Variants in CFDP1 observed in about 807,000 individuals in gnomAD.
The protein encoded by CFDP1 is heterochromatin-stabilizing protein CFDP1.
In CFDP1, 31 loss-of-function variants were observed where a neutral mutation model predicts 40.1. The ratio of observed to expected loss-of-function variants is 0.77; its 90% CI spans 0.58 to 1.04. The LOEUF (loss-of-function observed/expected upper bound fraction) is 1.04, where lower values mean the gene tolerates loss of function less well. Among genes scored for constraint, CFDP1 ranks in the 50% least tolerant of loss-of-function variants. The pLI, the probability that CFDP1 is intolerant of heterozygous loss-of-function variation, is 0.00. For synonymous variants in CFDP1, 167 were observed against 120.0 expected (o/e 1.39, Z -2.56); for missense variants, 423 against 343.4 (o/e 1.23, Z -1.83).
intron 5 of CFDP1, among the ~76,000 whole-genome samples, chr16:75,373,750 C>T (rs760169904): frequency 1.3e-5 from 2 of 152,116 alleles, no homozygotes; most frequent in African/African-American, 2.4e-5. Context: ...GCTCTAGATA[C>T]GAAGCCATTT....
At chr16:75,392,051 C>A (rs558669856) in intron 5 of CFDP1, among the ~76,000 whole-genome samples, 74 of 152,180 alleles carry the variant, frequency 4.9e-4, no homozygotes, top group Middle Eastern at 6.8e-3. Context: ...AAATGTAAAG[C>A]CAAAAACATG....
chr16:75,377,129 G>GA (rs937789194), intron 5 of CFDP1, among the ~76,000 whole-genome samples: 2 of 151,442 alleles, frequency 1.3e-5, no homozygotes, highest in African/African-American at 4.9e-5. Context: ...CCAACTGGGG[G>GA]CTTGGCTGTG....
At chr16:75,432,054 G>A (rs1459430208) in intron 1 of CFDP1, among the ~76,000 whole-genome samples, 1 of 151,392 alleles carries the variant, frequency 6.6e-6, no homozygotes, top group South Asian at 2.1e-4. Context: ...TGGGACTACA[G>A]GCGCGTGCCA....
intron 5 of CFDP1, among the ~76,000 whole-genome samples, chr16:75,345,663 T>A (rs892012890): frequency 2.6e-5 from 4 of 152,120 alleles, no homozygotes; most frequent in African/African-American, 9.6e-5. Flanking sequence ...GAAAAGAACA[T>A]CCCAAAGTCT....
intron 5 of CFDP1, chr16:75,322,078 C>A (rs1443514223): frequency 6.6e-6 from 1 of 152,252 alleles, no homozygotes; most frequent in Non-Finnish European, 1.5e-5. Context: ...CCCGCCTCGG[C>A]CTCCCAAAGT....
At chr16:75,372,111 T>C (rs2078756673) in intron 5 of CFDP1, 1 of 152,194 alleles carries the variant, frequency 6.6e-6, no homozygotes, top group Admixed American at 6.5e-5. Flanking sequence ...CAAAAGCATA[T>C]ATAATACTCT....
chr16:75,327,475 G>A (rs1187437312), intron 5 of CFDP1, among the ~76,000 whole-genome samples: 1 of 151,898 alleles, frequency 6.6e-6, no homozygotes, highest in Non-Finnish European at 1.5e-5. Context: ...GAAGGTGAAG[G>A]ATGGGACTGA....
chr16:75,402,490 G>A (rs2151572995), intron 4 of CFDP1, among the ~76,000 whole-genome samples: 1 of 151,952 alleles, frequency 6.6e-6, no homozygotes, highest in East Asian at 1.9e-4. Context: ...TTTCAAGTAG[G>A]GACAAAAACA....
chr16:75,305,171 G>A lies in CFDP1; in HGVS notation c.662C>T (p.Ser221Leu), dbSNP rs2078249065. Residue 221 changes from serine (S) to leucine (L), a missense_variant, in exon 6 of 7, where the codon TCA becomes TTA. Coordinates refer to ENST00000283882, the MANE Select transcript of CFDP1 (RefSeq NM_006324.3). ...CCCCAAAAGGCTGCTCATGCCACTT[G>A]ATCTTTTTAACCTAAGGAAAGAAAA... is the stretch of plus-strand genomic sequence containing the variant. The part of the protein sequence containing the change: ...SLPAGSGLKR[S>L]SGMSSLLGKI... 9 of 1,613,928 alleles carry A rather than the reference G, an allele frequency of 5.6e-6. No homozygotes were observed. The highest frequency in any genetic ancestry group is 4.0e-5 in the African/African-American group (3 of 75,014).
In CFDP1 at chr16:75,387,012, T is replaced by C. The variant is rs145609568; in HGVS notation, c.650+8078A>G. On this transcript the variant is annotated intron_variant, in intron 5 of 6. Coordinates refer to ENST00000283882, the MANE Select transcript of CFDP1 (RefSeq NM_006324.3). Reference sequence around the variant, plus strand: ...TTCAATTTCTAATCTATTTACTCTGTACCTGCAATACCTATAAAGGCTTAT... The same window carrying C: ...TTCAATTTCTAATCTATTTACTCTGCACCTGCAATACCTATAAAGGCTTAT... Among the ~76,000 whole-genome samples the C allele has an allele frequency of 7.3e-3, 1,105 of 152,364 alleles. 13 individuals carry two copies. Among genetic ancestry groups the C allele is most frequent in the African/African-American group, 0.025 (1,036 of 41,584 alleles).
intron 5 of CFDP1, among the ~76,000 whole-genome samples, chr16:75,356,975 G>A (rs895230855): frequency 6.3e-5 from 9 of 143,170 alleles, no homozygotes; most frequent in Admixed American, 1.5e-4. Context: ...ATGCAGTGGC[G>A]TGATCTTGAC....
intron 1 of CFDP1, among the ~76,000 whole-genome samples, chr16:75,431,908 TAAC>T (rs1360371935): frequency 1.5e-5 from 2 of 130,722 alleles, no homozygotes; most frequent in Non-Finnish European, 3.2e-5. Flanking sequence ...TGGGACTGGC[TAAC>T]TTTTTTTTTT....
In CFDP1 at chr16:75,414,606, T is replaced by C. The variant is rs1161066668; in HGVS notation, c.154A>G (p.Lys52Glu). The C allele has an allele frequency of 1.2e-6, 2 of 1,613,786 alleles. No individual in the cohort carries two copies. Among genetic ancestry groups the C allele is most frequent in the South Asian group, 1.1e-5 (1 of 91,076 alleles). The part of the protein sequence containing the change: ...EEQTQKTQGK[K>E]RKAQSIPARK... The stretch of plus-strand genomic sequence containing the variant: ...GCTGGAATGCTCTGGGCCTTTCTTT[T>C]TTTCCCTTGGGTTTTCTGTGTCTGC... The change falls in exon 2 of 7, where the codon AAA becomes GAA. Residue 52 changes from lysine (K) to glutamate (E), a missense_variant. By Grantham distance (56) the Lys-to-Glu change is moderately conservative (BLOSUM62 1). Transcript: ENST00000283882.
intron 5 of CFDP1, among the ~76,000 whole-genome samples, chr16:75,313,044 T>C (rs2078304229): frequency 1.3e-5 from 2 of 152,206 alleles, no homozygotes; most frequent in South Asian, 4.1e-4. Flanking sequence ...TTCTTCTCTG[T>C]GAATAACAGT....
intron 5 of CFDP1, among the ~76,000 whole-genome samples, chr16:75,328,235 T>C (rs1009921327): frequency 2.0e-5 from 3 of 150,406 alleles, no homozygotes; most frequent in African/African-American, 4.9e-5. Context: ...CCTCCTGCCT[T>C]GACCTCCCAA....
chr16:75,431,125 C>T (rs946422917), intron 1 of CFDP1, among the ~76,000 whole-genome samples: 1 of 151,734 alleles, frequency 6.6e-6, no homozygotes, highest in Non-Finnish European at 1.5e-5. Flanking sequence ...GTTCAGCTGT[C>T]AACATGATGT....
intron 5 of CFDP1, among the ~76,000 whole-genome samples, chr16:75,389,552 T>G (rs939150280): frequency 6.6e-6 from 1 of 152,220 alleles, no homozygotes; most frequent in Non-Finnish European, 1.5e-5. Context: ...TGGGACAGGA[T>G]GTTTTACTCT....
chr16:75,336,622 G>C (rs2078489508), intron 5 of CFDP1, among the ~76,000 whole-genome samples: 1 of 152,152 alleles, frequency 6.6e-6, no homozygotes, highest in African/African-American at 2.4e-5. Context: ...ATGTATTTCA[G>C]GGATCATTCC....
In CFDP1 at chr16:75,319,589, C is replaced by G. The variant is rs1016568605; in HGVS notation, c.651-14407G>C. ...GCATCCGCAACATCGTTTGCTCACT[C>G]AGTTGCCAGGGTAGCAGCTCTGGCC... On this transcript the variant is annotated intron_variant, in intron 5 of 6. Coordinates refer to ENST00000283882, the MANE Select transcript of CFDP1 (RefSeq NM_006324.3). Among the ~76,000 whole-genome samples the G allele has an allele frequency of 1.2e-4, 19 of 152,206 alleles. 1 individual carries two copies. Among genetic ancestry groups the G allele is most frequent in the Admixed American group, 4.6e-4 (7 of 15,286 alleles).
Sources: gnomAD v4.1 joint callset for allele counts (sites outside exome capture counted in the v4.1 genomes callset) on GRCh38, gnomAD v4.1.1 for gene constraint, MANE v1.5 for transcripts, NCBI Gene and HGNC (gene_info 2026-07-23, HGNC 2026-07-21) for gene names.